Variants in ZNF292 observed in about 807,000 individuals in gnomAD.
ZNF292 encodes the protein 16 zinc-finger domain protein.
In ZNF292, 26 loss-of-function variants were observed where a neutral mutation model predicts 217.9. The ratio of observed to expected loss-of-function variants is 0.12; its 90% CI spans 0.09 to 0.17. The LOEUF (loss-of-function observed/expected upper bound fraction) is 0.17, where lower values mean the gene tolerates loss of function less well. ZNF292 is among the 10% of genes least tolerant of loss of function. The pLI is 1.00. For synonymous variants in ZNF292, 1,257 were observed against 1,124.1 expected, an observed-to-expected ratio of 1.12 and a Z score of -2.37; for missense variants, 2,904 against 3,175.2, an observed-to-expected ratio of 0.91 and a Z score of 2.05.
At chr6:87,234,744 A>T (rs1562161355) in intron 5 of ZNF292, among the ~76,000 whole-genome samples, 1 of 152,136 alleles carries the variant, frequency 6.6e-6, no homozygotes, top group African/African-American at 2.4e-5. Flanking sequence ...ATTGAGATAT[A>T]AGACAGAGAA....
intron 6 of ZNF292, 44 bp from the exon 7 acceptor site, chr6:87,245,459 C>T (rs764156622): frequency 7.2e-7 from 1 of 1,397,530 alleles, no homozygotes; most frequent in Admixed American, 3.1e-5. Flanking sequence ...ATGATTATTA[C>T]CTTACTGCTC....
Position 87,255,717 on chromosome 6 carries a change from A to C in ZNF292, c.2088A>C (p.Lys696Asn). Residue 696 changes from lysine to asparagine, a missense_variant, in exon 8 of 8, where the codon AAA (lysine) becomes AAC (asparagine). Lys to Asn is a moderately conservative substitution (Grantham distance 94). This residue lies in a region of ZNF292 where 216 missense variants were observed against 308.3 expected (regional missense o/e 0.70). Coordinates refer to ENST00000369577, the MANE Select transcript of ZNF292 (RefSeq NM_015021.3). ...GTAAAAAGGGCTTTAAGTACTTTAA[A>C]AATTTAATTGCTCATGTGAAGGGGC... ...TFCKKGFKYF[K>N]NLIAHVKGHK... 1 of 1,613,436 alleles carries C rather than the reference A, an allele frequency of 6.2e-7. No homozygotes were observed. Among genetic ancestry groups the C allele is most frequent in the Non-Finnish European group, 8.5e-7 (1 of 1,179,694 alleles).
chr6:87,156,137 C>G (rs912327967), intron 1 of ZNF292, among the ~76,000 whole-genome samples: 1 of 152,348 alleles, frequency 6.6e-6, no homozygotes, highest in Non-Finnish European at 1.5e-5. Context: ...ATTACCGCGC[C>G]TCCCGCCTCT....
rs915701113 is a variant in ZNF292 at position 87,233,627 on chromosome 6, A to C, written c.741+100A>C. 22 of 1,484,132 alleles carry C rather than the reference A, an allele frequency of 1.5e-5. No homozygotes were observed. In the African/African-American group the frequency reaches 2.3e-4, roughly 15 times the overall value. 91.9% of individuals were successfully genotyped at this position (1,484,132 alleles called of 1,614,324 possible). A position where few individuals can be genotyped will look rare whatever the true frequency, so the allele number is the denominator to read the frequency against. ...TCCTTTTCTCTTAGATAGCGAAGAGATCATTGTCAATCTTACATTTTTGGT... is the reference window on the plus strand; with the variant it reads ...TCCTTTTCTCTTAGATAGCGAAGAGCTCATTGTCAATCTTACATTTTTGGT... On this transcript the variant is annotated intron_variant, in intron 5 of 7. Transcript: ENST00000369577.
intron 1 of ZNF292, among the ~76,000 whole-genome samples, chr6:87,179,402 C>G (rs546982100): frequency 1.3e-5 from 2 of 152,016 alleles, no homozygotes; most frequent in African/African-American, 4.8e-5. Flanking sequence ...CTCAGGTGAT[C>G]CGCCCGCATC....
At chr6:87,253,191 C>G (rs1368675532) in intron 7 of ZNF292, among the ~76,000 whole-genome samples, 1 of 146,336 alleles carries the variant, frequency 6.8e-6, no homozygotes, top group Non-Finnish European at 1.5e-5. Flanking sequence ...TGGGATTACA[C>G]GCATAAACCA....
chr6:87,254,673 C>G lies in ZNF292; in HGVS notation c.1044C>G (p.Thr348=), dbSNP rs757641094. The G allele has an allele frequency of 4.4e-6, 7 of 1,599,612 alleles. No homozygotes were observed. The East Asian group carries it at 1.1e-4, about 26-fold the overall frequency. ...NSETEGAGLA[T]CIELCVKALR... is the part of the protein sequence containing the mutation. ...AGACTGAAGGGGCTGGACTTGCTAC[C>G]TGTATAGAACTGTGTGTAAAGGCTC... The change falls in exon 8 of 8, where the codon ACC becomes ACG. Residue 348 remains threonine, a synonymous_variant. Coordinates refer to ENST00000369577, the MANE Select transcript of ZNF292 (RefSeq NM_015021.3).
intron 1 of ZNF292, among the ~76,000 whole-genome samples, chr6:87,188,498 CTA>C (rs1439762954): frequency 1.3e-5 from 2 of 152,076 alleles, no homozygotes; most frequent in African/African-American, 4.8e-5. Flanking sequence ...GCTTCCAGAA[CTA>C]TATAAACATT....
chr6:87,184,049 C>T (rs1372132146), intron 1 of ZNF292, among the ~76,000 whole-genome samples: 1 of 152,248 alleles, frequency 6.6e-6, no homozygotes, highest in Non-Finnish European at 1.5e-5. Flanking sequence ...ACAGTGCTTA[C>T]ACACAAAGTC....
At chr6:87,236,892 G>C (rs1308571632) in intron 5 of ZNF292, among the ~76,000 whole-genome samples, 1 of 152,140 alleles carries the variant, frequency 6.6e-6, no homozygotes, top group Non-Finnish European at 1.5e-5. Flanking sequence ...TCTTTAACCA[G>C]ATTGGTAGAC....
chr6:87,256,329 C>G lies in ZNF292; in HGVS notation c.2700C>G (p.Thr900=). Residue 900 remains threonine, a synonymous_variant, in exon 8 of 8, where the codon ACC becomes ACG. Transcript: ENST00000369577. ...AAAGCAAAGCAGAATCAGCTGTGAC[C>G]AAACAAGACCAGATTTCTGCCTCTG... ...WDKSKAESAV[T]KQDQISASEL... 6.2e-7 allele frequency: 1 copy of G among 1,612,736 alleles called. No homozygotes were observed. Among genetic ancestry groups the G allele is most frequent in the Non-Finnish European group, 8.5e-7 (1 of 1,179,836 alleles).
rs57115253 is a variant in ZNF292 at position 87,216,108 on chromosome 6, GACACACACACACACACACACACACACAC to G, written c.323+73_323+100del. ...CTAGATTTAGCTTTAAAAATACATA[GACACACACACACACACACACACACACAC>G]ACACACACACACACACACACAACAT... On this transcript the variant is annotated intron_variant, in intron 2 of 7. Coordinates refer to ENST00000369577, the MANE Select transcript of ZNF292 (RefSeq NM_015021.3). The G allele has an allele frequency of 1.0e-4, 53 of 516,072 alleles. 1 individual carries two copies. Among genetic ancestry groups the G allele is most frequent in the Non-Finnish European group, 1.5e-4 (51 of 341,152 alleles). The allele number at this position is 516,072 out of a possible 1,614,324, so 32.0% of individuals were successfully genotyped here.
Position 87,260,767 on chromosome 6 carries a change from A to G in ZNF292, c.7138A>G (p.Ser2380Gly), listed in dbSNP as rs201437206. ...ARNDALSECT[S>G]RFVTQYPCMI... The stretch of plus-strand genomic sequence containing the variant: ...AAATGATGCCCTGTCTGAGTGTACA[A>G]GCAGATTTGTAACCCAGTATCCATG... The change falls in exon 8 of 8, where the codon AGC (serine) becomes GGC (glycine). Residue 2380 changes from serine to glycine, a missense_variant. Around this residue, in one of 15 missense-constraint regions of ZNF292, gnomAD observed 27 missense variants for 52.3 expected, o/e 0.52. Transcript: ENST00000369577. 37 of 1,613,440 alleles carry G rather than the reference A, an allele frequency of 2.3e-5. No homozygotes were observed. In the Admixed American group the frequency reaches 6.2e-4, roughly 27 times the overall value.
In ZNF292 at chr6:87,254,864, A is replaced by T. The variant is rs751582399; in HGVS notation, c.1235A>T (p.Gln412Leu). The T allele has an allele frequency of 6.2e-7, 1 of 1,613,826 alleles. No homozygotes were observed. The highest frequency in any genetic ancestry group is 1.1e-5 in the South Asian group (1 of 91,070). The change falls in exon 8 of 8, where the codon CAG becomes CTG. Residue 412 changes from glutamine to leucine, a missense_variant. Transcript: ENST00000369577. ...TATGCTGTGGAAATGTTGTATAATCAGCCAGACCAGAAATATGATGAAGAG... is the reference window on the plus strand; with the variant it reads ...TATGCTGTGGAAATGTTGTATAATCTGCCAGACCAGAAATATGATGAAGAG... ...AYYAVEMLYN[Q>L]PDQKYDEENL...
At chr6:87,239,257 C>T (rs1192761192) in intron 5 of ZNF292, among the ~76,000 whole-genome samples, 9 of 151,500 alleles carry the variant, frequency 5.9e-5, no homozygotes, top group South Asian at 2.1e-4. Flanking sequence ...AAGGGGCGGC[C>T]GGGCAAAGGC....
chr6:87,250,263 C>T (rs1774854848), intron 7 of ZNF292, among the ~76,000 whole-genome samples: 1 of 135,910 alleles, frequency 7.4e-6, no homozygotes. Flanking sequence ...GAAACCTGAT[C>T]TCTACCAAAA....
chr6:87,175,098 T>C (rs1771239788), intron 1 of ZNF292, among the ~76,000 whole-genome samples: 1 of 152,204 alleles, frequency 6.6e-6, no homozygotes, highest in Admixed American at 6.5e-5. Context: ...TTCTGTCTTT[T>C]AGCCTATGGA....
rs138198608 is a variant in ZNF292, at chr6:87,220,422, T to C, written c.538+1691T>C. The stretch of plus-strand genomic sequence containing the variant: ...TGTTTTTCAGATGAGAAAATAGAGG[T>C]TCAGAAAGATGAGTATTTTTTTCAT... On this transcript the variant is annotated intron_variant, in intron 4 of 7. Coordinates refer to ENST00000369577, the MANE Select transcript of ZNF292 (RefSeq NM_015021.3). 3.6e-3 allele frequency among the ~76,000 whole-genome samples: 550 copies of C among 152,186 alleles called. 2 individuals are homozygous for C. Among genetic ancestry groups the C allele is most frequent in the African/African-American group, 0.013 (529 of 41,488 alleles).
At chr6:87,209,280 T>G (rs868838915) in intron 1 of ZNF292, among the ~76,000 whole-genome samples, 8 of 152,326 alleles carry the variant, frequency 5.3e-5, no homozygotes, top group South Asian at 2.1e-4. Flanking sequence ...TTCCAGCTTT[T>G]AAGATTTTAT....
Sources: allele counts gnomAD v4.1 joint callset (sites outside exome capture counted in the v4.1 genomes callset), GRCh38; gene constraint gnomAD v4.1.1; regional missense constraint gnomAD v4.1.1; transcripts MANE v1.5; gene names NCBI Gene and HGNC (gene_info 2026-07-23, HGNC 2026-07-21).